The following HEBP2 variants were observed in gnomAD, a reference collection of about 807,000 sequenced individuals.
The protein encoded by HEBP2 is heme-binding protein 2.
A neutral mutation model predicts 23.1 loss-of-function variants in HEBP2; 27 were observed. That is an observed-to-expected ratio of 1.17 (90% CI 0.86 to 1.61). The LOEUF (loss-of-function observed/expected upper bound fraction) is 1.61. HEBP2 is among the 40% of genes most tolerant of loss of function. HEBP2 has a pLI of 0.00. For missense variants in HEBP2, 245 were observed against 253.8 expected (o/e 0.97, Z 0.24); for synonymous variants, 99 against 95.1 (o/e 1.04, Z -0.24).
At chr6:138,405,096 T>C in intron 1 of HEBP2, 49 bp from the exon 2 acceptor site, 1 of 1,600,274 alleles carries the variant, frequency 6.2e-7, no homozygotes, top group Non-Finnish European at 8.5e-7. Flanking sequence ...TGCATCTCAC[T>C]CCTACCCTCT....
Position 138,413,312 on chromosome 6 carries a change from C to A in HEBP2, c.*234C>A. On this transcript the variant is annotated 3_prime_UTR_variant, in exon 4 of 4. Transcript: ENST00000607197. The stretch of plus-strand genomic sequence containing the variant: ...GTCATAACTATCGTGGTCTTTATTT[C>A]TGTGAGGATCTAGGGAAATTTCATG... The A allele has an allele frequency of 2.5e-6, 1 of 397,936 alleles. No individual in the cohort carries two copies. The allele number at this position is 397,936 out of a possible 1,614,324, so 24.7% of individuals were successfully genotyped here.
At chr6:138,407,884 C>A (rs750554232) in intron 3 of HEBP2, among the ~76,000 whole-genome samples, 3 of 152,182 alleles carry the variant, frequency 2.0e-5, no homozygotes, top group Non-Finnish European at 4.4e-5. Context: ...TGGAGCTGAA[C>A]CTGGGGCATC....
Position 138,418,359 on chromosome 6 carries a change from G to C in HEBP2, c.*5281G>C, listed in dbSNP as rs1192756297. 1 of 152,146 alleles carries C rather than the reference G, an allele frequency of 6.6e-6. No homozygotes were observed. Among genetic ancestry groups the C allele is most frequent in the South Asian group, 2.1e-4 (1 of 4,818 alleles). The allele number at this position is 152,146 out of a possible 1,614,324, so 9.4% of individuals were successfully genotyped here. ...GCAGGTCCCTGGGGCCCTGAAGGAA[G>C]GTGGTTCTAACCACAGGAGAGGATC... On this transcript the variant is annotated 3_prime_UTR_variant, in exon 4 of 4. Transcript: ENST00000607197.
At position 138,404,657 on chromosome 6, in the gene HEBP2, G is replaced by A. The variant is rs1020547680; in HGVS notation, c.102+60G>A. Reference sequence around the variant, plus strand: ...CGCCTTCCGGCTGATTTGCAGTGAGGCCAGCGGGTCCCATAGAGTTAAGTA... The same window carrying A: ...CGCCTTCCGGCTGATTTGCAGTGAGACCAGCGGGTCCCATAGAGTTAAGTA... On this transcript the variant is annotated intron_variant, in intron 1 of 3. Coordinates refer to ENST00000607197, the MANE Select transcript of HEBP2 (RefSeq NM_014320.3). The A allele has an allele frequency of 5.6e-6, 6 of 1,067,542 alleles. No individual in the cohort carries two copies. The Admixed American group carries it at 2.6e-4, about 45-fold the overall frequency. 66.1% of individuals were successfully genotyped at this position (1,067,542 alleles called of 1,614,324 possible). A position where few individuals can be genotyped will look rare whatever the true frequency, so the allele number is the denominator to read the frequency against.
chr6:138,409,664 A>G (rs895518304), intron 3 of HEBP2, among the ~76,000 whole-genome samples: 5 of 152,132 alleles, frequency 3.3e-5, no homozygotes, highest in South Asian at 2.1e-4. Context: ...CTTTCTTACC[A>G]CAATGACAAA....
Position 138,404,473 on chromosome 6 carries a change from C to A in HEBP2, c.-23C>A, listed in dbSNP as rs986536737. On this transcript the variant is annotated 5_prime_UTR_variant, in exon 1 of 4. Transcript: ENST00000607197. ...CGGGGCCTCTGCGCGGCTGACCAGG[C>A]TCCCAGAGCGTCAGCGCCGCCCATG... The A allele has an allele frequency of 3.3e-5, 42 of 1,258,144 alleles. No individual in the cohort carries two copies. The African/African-American group carries it at 6.2e-4, about 19-fold the overall frequency. 77.9% of individuals were successfully genotyped at this position (1,258,144 alleles called of 1,614,324 possible).
rs1254917846 is a variant in HEBP2 at position 138,414,897 on chromosome 6, A to G, written c.*1819A>G. On this transcript the variant is annotated 3_prime_UTR_variant, in exon 4 of 4. Coordinates refer to ENST00000607197, the MANE Select transcript of HEBP2 (RefSeq NM_014320.3). The stretch of plus-strand genomic sequence containing the variant: ...AACCTAGTGAGACTGTCTGTCCAAA[A>G]AATAAAAAATTAGCCAAGCGTGGTG... 1 of 152,210 alleles carries G rather than the reference A, an allele frequency of 6.6e-6. No individual in the cohort carries two copies. The highest frequency in any genetic ancestry group is 2.4e-5 in the African/African-American group (1 of 41,438). The allele number at this position is 152,210 out of a possible 1,614,324, so 9.4% of individuals were successfully genotyped here. A position where few individuals can be genotyped will look rare whatever the true frequency, so the allele number is the denominator to read the frequency against.
intron 3 of HEBP2, among the ~76,000 whole-genome samples, chr6:138,410,963 G>C (rs1397748461): frequency 2.0e-5 from 3 of 152,148 alleles, no homozygotes; most frequent in African/African-American, 7.2e-5. Context: ...CTGGGTGCTG[G>C]GTAGACATTG....
intron 3 of HEBP2, among the ~76,000 whole-genome samples, chr6:138,408,316 C>T (rs903750847): frequency 5.3e-5 from 8 of 152,250 alleles, no homozygotes. Context: ...AGCGAAGCCA[C>T]ATCTTCCATT....
chr6:138,405,399 A>G, intron 2 of HEBP2, 119 bp downstream of exon 2: 1 of 1,302,896 alleles, frequency 7.7e-7, no homozygotes, highest in Non-Finnish European at 1.1e-6. Flanking sequence ...GTCATCAAAG[A>G]CTTGTCTTGT....
At chr6:138,412,674 G>A (rs1774767442) in intron 3 of HEBP2, among the ~76,000 whole-genome samples, 2 of 152,100 alleles carry the variant, frequency 1.3e-5, no homozygotes, top group African/African-American at 4.8e-5. Context: ...GGCTGGTCTT[G>A]AACTCCTGAC....
chr6:138,420,427 A>G lies in HEBP2; in HGVS notation c.*7349A>G, dbSNP rs1774902770. On this transcript the variant is annotated 3_prime_UTR_variant, in exon 4 of 4. Coordinates refer to ENST00000607197, the MANE Select transcript of HEBP2 (RefSeq NM_014320.3). Reference sequence around the variant, plus strand: ...GATCCACATAGGCAAGGGGTGGACCATGGCAGGCATAGAGCGGTGCCACTT... The same window carrying G: ...GATCCACATAGGCAAGGGGTGGACCGTGGCAGGCATAGAGCGGTGCCACTT... 6.6e-6 allele frequency: 1 copy of G among 152,208 alleles called. No individual in the cohort carries two copies. Among genetic ancestry groups the G allele is most frequent in the South Asian group, 2.1e-4 (1 of 4,824 alleles). The allele number at this position is 152,208 out of a possible 1,614,324, so 9.4% of individuals were successfully genotyped here. A position where few individuals can be genotyped will look rare whatever the true frequency, so the allele number is the denominator to read the frequency against.
At chr6:138,407,037 A>T (rs1030172911) in intron 3 of HEBP2, among the ~76,000 whole-genome samples, 6 of 152,218 alleles carry the variant, frequency 3.9e-5, no homozygotes, top group Non-Finnish European at 8.8e-5. Flanking sequence ...AACAAAAAGA[A>T]AAATGTATAT....
At chr6:138,404,720 A>C (rs9495076) in intron 1 of HEBP2, 123 bp downstream of exon 1, 54,426 of 565,690 alleles carry the variant, frequency 0.096, 6,016 homozygotes, top group African/African-American at 0.43. Flanking sequence ...GTCCCTACCC[A>C]CTATGCTACG....
chr6:138,412,514 C>T (rs1774764311), intron 3 of HEBP2, among the ~76,000 whole-genome samples: 2 of 152,060 alleles, frequency 1.3e-5, no homozygotes, highest in African/African-American at 4.8e-5. Flanking sequence ...AGTGCAGTGG[C>T]GTGATCTTGG....
chr6:138,407,557 G>A (rs540257179), intron 3 of HEBP2, among the ~76,000 whole-genome samples: 4 of 152,244 alleles, frequency 2.6e-5, no homozygotes, highest in Non-Finnish European at 5.9e-5. Flanking sequence ...TCTCACAGTT[G>A]GAGGGACCCC....
chr6:138,421,113 G>A lies in HEBP2; in HGVS notation c.*8035G>A, dbSNP rs1405117618. The A allele has an allele frequency of 6.6e-6, 1 of 152,134 alleles. No homozygotes were observed. The highest frequency in any genetic ancestry group is 2.1e-4 in the South Asian group (1 of 4,824). 9.4% of individuals were successfully genotyped at this position (152,134 alleles called of 1,614,324 possible). On this transcript the variant is annotated 3_prime_UTR_variant, in exon 4 of 4. Transcript: ENST00000607197. ...CGAGTGGCTTATTAAGGAAAGTGGCGCAACAATCAGGTCCATGTTTCATTC... is the reference window on the plus strand; with the variant it reads ...CGAGTGGCTTATTAAGGAAAGTGGCACAACAATCAGGTCCATGTTTCATTC...
At position 138,416,609 on chromosome 6, in the gene HEBP2, C is replaced by G. The variant is rs1173845415; in HGVS notation, c.*3531C>G. On this transcript the variant is annotated 3_prime_UTR_variant, in exon 4 of 4. Transcript: ENST00000607197. ...GATGATGATGAGACCTTGAAGAGCC[C>G]AGGTGGCAGTGCCAGCCACAGAAGC... is the stretch of plus-strand genomic sequence containing the variant. The G allele has an allele frequency of 6.6e-6, 1 of 152,250 alleles. No individual in the cohort carries two copies. The highest frequency in any genetic ancestry group is 2.4e-5 in the African/African-American group (1 of 41,440). The allele number at this position is 152,250 out of a possible 1,614,324, so 9.4% of individuals were successfully genotyped here. A position where few individuals can be genotyped will look rare whatever the true frequency, so the allele number is the denominator to read the frequency against.
At chr6:138,405,387 A>G in intron 2 of HEBP2, 107 bp downstream of exon 2, 1 of 1,375,218 alleles carries the variant, frequency 7.3e-7, no homozygotes, top group South Asian at 1.3e-5. Flanking sequence ...AAAAATAAGC[A>G]AGTCATCAAA....
Sources: gnomAD v4.1 joint callset for allele counts (sites outside exome capture counted in the v4.1 genomes callset) on GRCh38, gnomAD v4.1.1 for gene constraint, MANE v1.5 for transcripts, NCBI Gene and HGNC (gene_info 2026-07-23, HGNC 2026-07-21) for gene names.